The following MRPL3 variants were observed in gnomAD, a reference collection of about 807,000 sequenced individuals.
MRPL3 encodes the protein mitochondrial ribosomal protein L3.
MRPL3 carries 43 observed loss-of-function variants against 44.3 expected under a neutral mutation model. The ratio of observed to expected loss-of-function variants is 0.97; its 90% CI spans 0.76 to 1.25. The LOEUF is 1.25. Among genes scored for constraint, MRPL3 ranks in the 50% most tolerant of loss-of-function variants. The pLI, the probability that MRPL3 is intolerant of heterozygous loss-of-function variation, is 0.00. For synonymous variants in MRPL3, 171 were observed against 152.3 expected (o/e 1.12, Z -0.91); for missense variants, 406 against 427.6 (o/e 0.95, Z 0.45).
chr3:131,468,899 TA>T (rs1020025233), intron 8 of MRPL3, among the ~76,000 whole-genome samples: 3 of 152,064 alleles, frequency 2.0e-5, no homozygotes, highest in Non-Finnish European at 2.9e-5. Flanking sequence ...ACTGGGAGGA[TA>T]TGCACCAAAA....
chr3:131,499,955 C>T (rs1934456959), intron 3 of MRPL3, among the ~76,000 whole-genome samples: 1 of 152,160 alleles, frequency 6.6e-6, no homozygotes, highest in Admixed American at 6.5e-5. Context: ...GTGGCAGAAT[C>T]AAGATTGCAA....
At chr3:131,494,300 C>T (rs1236662789) in intron 4 of MRPL3, among the ~76,000 whole-genome samples, 1 of 152,158 alleles carries the variant, frequency 6.6e-6, no homozygotes, top group African/African-American at 2.4e-5. Flanking sequence ...ACACTAACAC[C>T]CAACACCACT....
chr3:131,467,478 C>T (rs781592213), intron 9 of MRPL3, among the ~76,000 whole-genome samples: 18 of 152,014 alleles, frequency 1.2e-4, no homozygotes, highest in Admixed American at 6.6e-4. Context: ...ATTGTAATCC[C>T]CAATGTTAGA....
At chr3:131,481,526 G>C (rs1039209598) in intron 6 of MRPL3, among the ~76,000 whole-genome samples, 1 of 152,160 alleles carries the variant, frequency 6.6e-6, no homozygotes, top group Non-Finnish European at 1.5e-5. Context: ...AAGTTATCTA[G>C]GTCACAGAGC....
intron 2 of MRPL3, among the ~76,000 whole-genome samples, 164 bp downstream of exon 2, chr3:131,501,366 AG>A (rs1489927175): frequency 1.3e-5 from 2 of 152,244 alleles, no homozygotes; most frequent in African/African-American, 4.8e-5. Context: ...AAACTAGACT[AG>A]GAAGTTGGAA....
Position 131,502,909 on chromosome 3 carries a change from G to T in MRPL3, c.-88C>A, listed in dbSNP as rs899343605. ...GTCCCCACGCCACCGCCACGTGGAC[G>T]CAGTAGCCGTGGGGAAGTTTTCGCA... is the stretch of plus-strand genomic sequence containing the variant. On this transcript the variant is annotated 5_prime_UTR_variant, in exon 1 of 10. Transcript: ENST00000264995. 24 of 1,252,334 alleles carry T rather than the reference G, an allele frequency of 1.9e-5. No homozygotes were observed. Among genetic ancestry groups the T allele is most frequent in the East Asian group, 5.0e-5 (2 of 39,672 alleles). The allele number at this position is 1,252,334 out of a possible 1,614,324, so 77.6% of individuals were successfully genotyped here.
In MRPL3 at chr3:131,473,061, T is replaced by A. The variant is rs575889748; in HGVS notation, c.630-1782A>T. On this transcript the variant is annotated intron_variant, in intron 6 of 9. Coordinates refer to ENST00000264995, the MANE Select transcript of MRPL3 (RefSeq NM_007208.4). The stretch of plus-strand genomic sequence containing the variant: ...CTCTTCACAGAAATAGAAAAAATAA[T>A]CCTAGAATTCATATGGAACCACAAA... 1.8e-4 allele frequency among the ~76,000 whole-genome samples: 27 copies of A among 152,166 alleles called. No individual in the cohort carries two copies. The South Asian group carries it at 5.6e-3, about 32-fold the overall frequency.
At chr3:131,466,699 GT>G (rs1478898720) in intron 9 of MRPL3, among the ~76,000 whole-genome samples, 7 of 130,760 alleles carry the variant, frequency 5.4e-5, no homozygotes, top group African/African-American at 1.2e-4. Context: ...TTGGGGGGGG[GT>G]GGGGGCAGGG....
In MRPL3 at chr3:131,489,955, C is replaced by G; in HGVS notation, c.568+26G>C. 3.4e-6 allele frequency: 5 copies of G among 1,458,486 alleles called. No individual in the cohort carries two copies. The South Asian group carries it at 3.4e-5, about 10-fold the overall frequency. 90.3% of individuals were successfully genotyped at this position (1,458,486 alleles called of 1,614,324 possible). ...ATTGCATATTTGGGTATTTTTACCT[C>G]CCTCCTCTCCCCAACCTCAAATTAC... is the stretch of plus-strand genomic sequence containing the variant. On this transcript the variant is annotated intron_variant, in intron 5 of 9. Coordinates refer to ENST00000264995, the MANE Select transcript of MRPL3 (RefSeq NM_007208.4).
At chr3:131,488,721 A>T (rs1934183786) in intron 5 of MRPL3, 1 of 152,088 alleles carries the variant, frequency 6.6e-6, no homozygotes, top group Non-Finnish European at 1.5e-5. Flanking sequence ...TAATACAAGC[A>T]GCAAAGTGCT....
chr3:131,468,084 T>C lies in MRPL3; in HGVS notation c.894+7A>G, dbSNP rs181324747. On this transcript the variant is annotated splice_region_variant and intron_variant, in intron 9 of 9. Transcript: ENST00000264995. ...AAAGGAAAAAAAAAGAAGACACTTA[T>C]ACTTACCTTTACTAAGCAATTTTTA... 3.5e-4 allele frequency: 518 copies of C among 1,482,622 alleles called. 1 individual carries two copies. Among genetic ancestry groups the C allele is most frequent in the Admixed American group, 8.6e-4 (39 of 45,222 alleles). 91.8% of individuals were successfully genotyped at this position (1,482,622 alleles called of 1,614,324 possible).
intron 1 of MRPL3, among the ~76,000 whole-genome samples, chr3:131,502,392 C>T (rs1934518078): frequency 6.6e-6 from 1 of 152,212 alleles, no homozygotes; most frequent in South Asian, 2.1e-4. Context: ...TCAGTTTTAT[C>T]TGTAAACCTT....
chr3:131,488,728 T>G (rs1934184047), intron 5 of MRPL3: 1 of 151,986 alleles, frequency 6.6e-6, no homozygotes, highest in East Asian at 1.9e-4. Flanking sequence ...AGCAGCAAAG[T>G]GCTGTAAGAT....
At chr3:131,468,063 G>GA (rs374998359) in intron 9 of MRPL3, 28 bp downstream of exon 9, 409 of 1,138,080 alleles carry the variant, frequency 3.6e-4, no homozygotes, top group East Asian at 1.9e-3. Flanking sequence ...AAAAAAAAAG[G>GA]AAAAAAAAAG....
Position 131,500,489 on chromosome 3 carries a change from G to A in MRPL3, c.310C>T (p.Leu104=), listed in dbSNP as rs762936529. ...TTGGTCCATAAAGGCATCATGCCCA[G>A]CTTCAAGGCAATAAGACCAACTCTA... ...SFRVGLIALK[L]GMMPLWTKDG... is the part of the protein sequence containing the mutation. The change falls in exon 3 of 10, where the codon CTG becomes TTG. Residue 104 remains leucine, a synonymous_variant. Coordinates refer to ENST00000264995, the MANE Select transcript of MRPL3 (RefSeq NM_007208.4). The A allele has an allele frequency of 3.7e-6, 6 of 1,613,826 alleles. No homozygotes were observed. The highest frequency in any genetic ancestry group is 5.1e-6 in the Non-Finnish European group (6 of 1,179,864).
At chr3:131,464,354 T>C (rs1378353722) in intron 9 of MRPL3, among the ~76,000 whole-genome samples, 1 of 152,220 alleles carries the variant, frequency 6.6e-6, no homozygotes, top group African/African-American at 2.4e-5. Flanking sequence ...TTATAATTCA[T>C]GGATCTGAAA....
chr3:131,483,167 TC>T (rs1934032512), intron 6 of MRPL3, among the ~76,000 whole-genome samples: 1 of 152,128 alleles, frequency 6.6e-6, no homozygotes, highest in African/African-American at 2.4e-5. Context: ...AATGTTAGAC[TC>T]TAAACCATCA....
intron 6 of MRPL3, 120 bp downstream of exon 6, chr3:131,487,560 G>C (rs1340778944): frequency 1.2e-6 from 1 of 803,362 alleles, no homozygotes; most frequent in Non-Finnish European, 2.0e-6. Context: ...TTTGAATTCA[G>C]AATGAGAAAT....
chr3:131,471,086 G>C (rs908934871), intron 7 of MRPL3, 85 bp downstream of exon 7: 3 of 925,050 alleles, frequency 3.2e-6, no homozygotes, highest in African/African-American at 3.3e-5. Context: ...AAAATTATGT[G>C]ACTTCATATC....
Sources: gnomAD v4.1 joint callset for allele counts (sites outside exome capture counted in the v4.1 genomes callset) on GRCh38, gnomAD v4.1.1 for gene constraint, MANE v1.5 for transcripts, NCBI Gene and HGNC (gene_info 2026-07-23, HGNC 2026-07-21) for gene names.